IPPK: variants seen among roughly 807,000 people sequenced by gnomAD.
IPPK encodes IPK1 homolog.
IPPK carries 22 observed loss-of-function variants against 64.6 expected under a neutral mutation model. The observed-to-expected ratio is 0.34, with a 90% CI of 0.24 to 0.49. The LOEUF is 0.49. Among genes scored for constraint, IPPK ranks in the 20% least tolerant of loss-of-function variants. The pLI is 0.99. For missense variants in IPPK, 532 were observed against 630.7 expected (o/e 0.84, Z 1.68); for synonymous variants, 262 against 247.2 (o/e 1.06, Z -0.56).
Position 92,619,475 on chromosome 9 carries a change from G to A in IPPK, c.1250+11C>T, listed in dbSNP as rs1372903543. The A allele has an allele frequency of 6.3e-7, 1 of 1,576,480 alleles. No individual in the cohort carries two copies. The highest frequency in any genetic ancestry group is 8.6e-7 in the Non-Finnish European group (1 of 1,160,160). ...AGACCCAGGCTGCATGCCTTGCAGT[G>A]GGGGCCTCACCTGGCATCCTGCAGA... On this transcript the variant is annotated intron_variant, in intron 12 of 12. Coordinates refer to ENST00000287996, the MANE Select transcript of IPPK (RefSeq NM_022755.6).
intron 1 of IPPK, among the ~76,000 whole-genome samples, chr9:92,666,540 C>G (rs1374258539): frequency 6.6e-6 from 1 of 152,164 alleles, no homozygotes; most frequent in East Asian, 1.9e-4. Context: ...GGGTCAGTGT[C>G]TGGAGCTCCA....
intron 11 of IPPK, among the ~76,000 whole-genome samples, chr9:92,624,096 GGACA>G (rs1851692669): frequency 6.6e-6 from 1 of 152,164 alleles, no homozygotes; most frequent in Admixed American, 6.5e-5. Context: ...CAACACTTTG[GGACA>G]CCAGGTGGGA....
intron 6 of IPPK, 97 bp from the exon 7 acceptor site, chr9:92,642,907 G>T: frequency 1.0e-6 from 1 of 989,526 alleles, no homozygotes; most frequent in South Asian, 1.3e-5. Context: ...TGAAGACAAT[G>T]AAGACGAGCT....
intron 8 of IPPK, among the ~76,000 whole-genome samples, chr9:92,638,929 CA>C (rs1362542061): frequency 1.3e-5 from 2 of 152,230 alleles, no homozygotes; most frequent in African/African-American, 4.8e-5. Context: ...CTGCCATGCC[CA>C]GGGGGAGTCA....
chr9:92,660,916 A>G (rs1287314725), intron 1 of IPPK, among the ~76,000 whole-genome samples: 1 of 152,280 alleles, frequency 6.6e-6, no homozygotes, highest in African/African-American at 2.4e-5. Flanking sequence ...TAAGTTGCAC[A>G]GGGCACTATA....
intron 6 of IPPK, 62 bp from the exon 7 acceptor site, chr9:92,642,872 T>C: frequency 8.0e-7 from 1 of 1,252,100 alleles, no homozygotes; most frequent in Non-Finnish European, 1.2e-6. Context: ...CTGTGCCAAC[T>C]GAACACACAG....
chr9:92,636,405 T>C (rs976683217), intron 9 of IPPK, among the ~76,000 whole-genome samples: 3 of 152,122 alleles, frequency 2.0e-5, no homozygotes, highest in Admixed American at 6.5e-5. Flanking sequence ...GGGAGGCCAA[T>C]GCTGGCAGAT....
At chr9:92,630,599 A>C (rs1251201459) in intron 11 of IPPK, among the ~76,000 whole-genome samples, 1 of 152,188 alleles carries the variant, frequency 6.6e-6, no homozygotes, top group Non-Finnish European at 1.5e-5. Flanking sequence ...AGCTACAAGA[A>C]TGTTAGGCAG....
chr9:92,633,165 C>CA (rs1399498888), intron 11 of IPPK, among the ~76,000 whole-genome samples: 11 of 151,928 alleles, frequency 7.2e-5, no homozygotes, highest in Non-Finnish European at 1.6e-4. Context: ...CGCCTGCCAC[C>CA]ACGCCTGCTT....
intron 5 of IPPK, among the ~76,000 whole-genome samples, chr9:92,648,989 G>A (rs1301722627): frequency 6.6e-6 from 1 of 152,240 alleles, no homozygotes; most frequent in East Asian, 1.9e-4. Context: ...AGGACAAAGA[G>A]AGCTCCCCAG....
chr9:92,627,605 A>C (rs1851757217), intron 11 of IPPK, among the ~76,000 whole-genome samples: 1 of 152,236 alleles, frequency 6.6e-6, no homozygotes. Flanking sequence ...CAAAAACCAC[A>C]TGATAATCTC....
chr9:92,639,012 T>C (rs970245880), intron 8 of IPPK, among the ~76,000 whole-genome samples: 1 of 152,026 alleles, frequency 6.6e-6, no homozygotes, highest in East Asian at 1.9e-4. Flanking sequence ...CCCAGGAGAG[T>C]AGCAACTCTT....
At chr9:92,659,837 C>A (rs1370025433) in intron 1 of IPPK, among the ~76,000 whole-genome samples, 2 of 152,122 alleles carry the variant, frequency 1.3e-5, no homozygotes, top group Non-Finnish European at 1.5e-5. Context: ...GGCACCCGGC[C>A]CCCTGGGCCC....
intron 12 of IPPK, 104 bp downstream of exon 12, chr9:92,619,382 G>T: frequency 1.1e-6 from 1 of 889,782 alleles, no homozygotes; most frequent in Non-Finnish European, 1.8e-6. Flanking sequence ...ACTCCGCCAT[G>T]GAGTCTCTAA....
intron 1 of IPPK, among the ~76,000 whole-genome samples, chr9:92,660,453 G>A (rs1012847166): frequency 5.9e-5 from 9 of 152,354 alleles, no homozygotes; most frequent in African/African-American, 2.2e-4. Flanking sequence ...CTGCCAGACT[G>A]CATGCACAGA....
chr9:92,661,899 C>T (rs1587645725), intron 1 of IPPK, among the ~76,000 whole-genome samples: 2 of 152,214 alleles, frequency 1.3e-5, no homozygotes, highest in African/African-American at 4.8e-5. Flanking sequence ...CTGAGGGCTT[C>T]GTAATGCATA....
chr9:92,652,589 T>C lies in IPPK; in HGVS notation c.276A>G (p.Ile92Met). 1 of 1,562,134 alleles carries C rather than the reference T, an allele frequency of 6.4e-7. No homozygotes were observed. Among genetic ancestry groups the C allele is most frequent in the African/African-American group, 1.3e-5 (1 of 74,158 alleles). ...CACCCTTACCTGGTCTTTCAGATTG[T>C]ATCTTTAAACAAAGCTGTTTCACAA... ...LEFVKQLCLK[I>M]QSERPESRCD... The change falls in exon 4 of 13, where the codon ATA (isoleucine) becomes ATG (methionine). Residue 92 changes from isoleucine (I) to methionine (M), a missense_variant. By Grantham distance (10) the Ile-to-Met change is conservative. Transcript: ENST00000287996.
chr9:92,668,216 C>T (rs923634537), intron 1 of IPPK, among the ~76,000 whole-genome samples: 2 of 152,092 alleles, frequency 1.3e-5, no homozygotes, highest in Admixed American at 6.5e-5. Flanking sequence ...TGCAGTGAGC[C>T]GAGATCGCGC....
intron 1 of IPPK, 56 bp downstream of exon 1, chr9:92,669,852 G>A (rs139707877): frequency 3.1e-6 from 4 of 1,300,828 alleles, no homozygotes; most frequent in Non-Finnish European, 4.4e-6. Context: ...TGGGGGCGGG[G>A]TGATACCGGC....
Sources: gnomAD v4.1 joint callset for allele counts (sites outside exome capture counted in the v4.1 genomes callset) on GRCh38, gnomAD v4.1.1 for gene constraint, MANE v1.5 for transcripts, NCBI Gene and HGNC (gene_info 2026-07-23, HGNC 2026-07-21) for gene names.